FBXO10: variants seen among roughly 807,000 people sequenced by gnomAD.
The protein encoded by FBXO10 is F-box protein 10.
FBXO10 carries 39 observed loss-of-function variants against 80.7 expected under a neutral mutation model. The ratio of observed to expected loss-of-function variants is 0.48; its 90% CI spans 0.37 to 0.63. The LOEUF (loss-of-function observed/expected upper bound fraction) is 0.63. Ranked by LOEUF, FBXO10 falls within the 30% of genes least tolerant of loss-of-function variation. FBXO10 has a pLI of 0.00. For missense variants in FBXO10, 1,025 were observed against 1,269.0 expected (o/e 0.81, Z 2.92); for synonymous variants, 449 against 489.6 (o/e 0.92, Z 1.09).
At chr9:37,553,606 A>T (rs920821770) in intron 1 of FBXO10, among the ~76,000 whole-genome samples, 1 of 152,026 alleles carries the variant, frequency 6.6e-6, no homozygotes, top group Non-Finnish European at 1.5e-5. Flanking sequence ...TGCAGTTATA[A>T]GAAATAATAG....
At chr9:37,519,310 A>G (rs1238838753) in intron 8 of FBXO10, among the ~76,000 whole-genome samples, 2 of 152,164 alleles carry the variant, frequency 1.3e-5, no homozygotes, top group Admixed American at 1.3e-4. Flanking sequence ...GGAAAGGAAA[A>G]CTGACGCTTG....
chr9:37,513,284 C>G (rs1474152460), intron 10 of FBXO10, among the ~76,000 whole-genome samples: 1 of 152,198 alleles, frequency 6.6e-6, no homozygotes, highest in African/African-American at 2.4e-5. Context: ...TAGGTGTGTG[C>G]CACGGTGCCA....
chr9:37,548,455 G>A (rs1329061770), intron 1 of FBXO10, among the ~76,000 whole-genome samples: 1 of 152,132 alleles, frequency 6.6e-6, no homozygotes, highest in East Asian at 1.9e-4. Flanking sequence ...ATCATTGCAT[G>A]TAAACATCAT....
intron 9 of FBXO10, among the ~76,000 whole-genome samples, chr9:37,516,535 G>A (rs1259893979): frequency 3.9e-5 from 6 of 152,162 alleles, no homozygotes; most frequent in Non-Finnish European, 7.3e-5. Context: ...GGCTTTAGGC[G>A]ACCCAGCAAT....
chr9:37,528,700 C>T (rs552879554), intron 5 of FBXO10, among the ~76,000 whole-genome samples: 68 of 152,342 alleles, frequency 4.5e-4, no homozygotes, highest in African/African-American at 1.3e-3. Context: ...CCACCTATCA[C>T]TTATATCAGT....
At chr9:37,565,383 A>G (rs1216509833) in intron 1 of FBXO10, among the ~76,000 whole-genome samples, 1 of 152,264 alleles carries the variant, frequency 6.6e-6, no homozygotes, top group Non-Finnish European at 1.5e-5. Flanking sequence ...TAATAATGGA[A>G]GACAACAAAA....
chr9:37,555,934 C>T (rs1822323638), intron 1 of FBXO10, among the ~76,000 whole-genome samples: 1 of 152,128 alleles, frequency 6.6e-6, no homozygotes, highest in Admixed American at 6.5e-5. Context: ...TGGATATAAT[C>T]TCTTGTCTAA....
intron 5 of FBXO10, among the ~76,000 whole-genome samples, chr9:37,525,508 C>T (rs1821448385): frequency 6.6e-6 from 1 of 152,194 alleles, no homozygotes; most frequent in African/African-American, 2.4e-5. Flanking sequence ...ATCCAGTTCA[C>T]TGTAGCCTCA....
At chr9:37,532,206 C>T (rs924780851) in intron 3 of FBXO10, 148 bp from the exon 4 acceptor site, 7 of 844,552 alleles carry the variant, frequency 8.3e-6, no homozygotes, top group African/African-American at 3.4e-5. Flanking sequence ...GGCACAGCCA[C>T]GCTCCCACTG....
In FBXO10 at chr9:37,563,564, A is replaced by T. The variant is rs577278059; in HGVS notation, c.-7+12647T>A. Among the ~76,000 whole-genome samples, 9 of 152,318 alleles carry T rather than the reference A, an allele frequency of 5.9e-5. No individual in the cohort carries two copies. The East Asian group carries it at 1.7e-3, about 29-fold the overall frequency. The stretch of plus-strand genomic sequence containing the variant: ...CTTTGATCAAAATGCTGATAGTGAT[A>T]TGGACCATGAAGTCCAGGCTGAGGT... On this transcript the variant is annotated intron_variant, in intron 1 of 10. Transcript: ENST00000432825.
intron 1 of FBXO10, among the ~76,000 whole-genome samples, chr9:37,570,821 C>T (rs1822731989): frequency 6.6e-6 from 1 of 151,904 alleles, no homozygotes; most frequent in East Asian, 1.9e-4. Context: ...GGTGAAACTC[C>T]GTCTCTACTA....
intron 3 of FBXO10, among the ~76,000 whole-genome samples, chr9:37,533,706 A>G (rs2119102251): frequency 6.6e-6 from 1 of 152,130 alleles, no homozygotes; most frequent in African/African-American, 2.4e-5. Flanking sequence ...CCCCATCTCT[A>G]CTAAAAATAC....
chr9:37,517,747 T>TC, intron 9 of FBXO10, among the ~76,000 whole-genome samples: 1 of 152,276 alleles, frequency 6.6e-6, no homozygotes, highest in South Asian at 2.1e-4. Context: ...GCAGGATCTC[T>TC]CTCTTCATGA....
chr9:37,536,526 G>A (rs1356869152), intron 3 of FBXO10, among the ~76,000 whole-genome samples: 2 of 152,138 alleles, frequency 1.3e-5, no homozygotes, highest in African/African-American at 4.8e-5. Context: ...CCAGGTCTGG[G>A]TAAGGTAGCT....
At position 37,512,675 on chromosome 9, in the gene FBXO10, C is replaced by T. The variant is rs1387616791; in HGVS notation, c.2743G>A (p.Glu915Lys). ...GCCGAGGGACGTCTGAGAGAATTTT[C>T]AAGGTGGGGCCGTGCTGGTGGGTTC... ...LVNPPARPHL[E>K]NSLRRPSAAH... The change falls in exon 11 of 11, where the codon GAA (glutamate) becomes AAA (lysine). Residue 915 changes from glutamate to lysine, a missense_variant. Glu to Lys is a moderately conservative substitution (Grantham distance 56). Around this residue, in one of 3 missense-constraint regions of FBXO10, gnomAD observed 97 missense variants for 101.8 expected, o/e 0.95. Transcript: ENST00000432825. 7 of 1,613,872 alleles carry T rather than the reference C, an allele frequency of 4.3e-6. No individual in the cohort carries two copies. The South Asian group carries it at 7.7e-5, about 18-fold the overall frequency.
At chr9:37,559,052 G>T (rs1005765680) in intron 1 of FBXO10, among the ~76,000 whole-genome samples, 1 of 152,208 alleles carries the variant, frequency 6.6e-6, no homozygotes, top group East Asian at 1.9e-4. Flanking sequence ...CAGGTGATCC[G>T]CCCGCCTCGG....
At chr9:37,571,284 G>A (rs190549820) in intron 1 of FBXO10, among the ~76,000 whole-genome samples, 113 of 152,242 alleles carry the variant, frequency 7.4e-4, no homozygotes, top group African/African-American at 2.6e-3. Flanking sequence ...AACTGCAGCA[G>A]CAAGGGTTGT....
chr9:37,571,995 G>A (rs891320832), intron 1 of FBXO10, among the ~76,000 whole-genome samples: 1 of 151,550 alleles, frequency 6.6e-6, no homozygotes, highest in African/African-American at 2.4e-5. Flanking sequence ...ATAATTATCT[G>A]GCTGTCCCAG....
At chr9:37,555,057 TTTTGTTTGTTTTTTGCAGGGTCACAC>T (rs146811924) in intron 1 of FBXO10, among the ~76,000 whole-genome samples, 5,430 of 152,116 alleles carry the variant, frequency 0.036, 322 homozygotes, top group African/African-American at 0.12. Context: ...GTTGTGGTGT[TTTTGTTTGTTTTTTGCAGGGTCACAC>T]TTTGTCACCC....
Sources: gnomAD v4.1 joint callset for allele counts (sites outside exome capture counted in the v4.1 genomes callset) on GRCh38, gnomAD v4.1.1 for gene constraint, gnomAD v4.1.1 regional missense constraint, MANE v1.5 for transcripts, NCBI Gene and HGNC (gene_info 2026-07-23, HGNC 2026-07-21) for gene names.